COG5: variants seen among roughly 807,000 people sequenced by gnomAD.
COG5 encodes conserved oligomeric Golgi complex subunit 5.
A neutral mutation model predicts 110.4 loss-of-function variants in COG5; 86 were observed. The observed-to-expected ratio is 0.78, with a 90% confidence interval of 0.65 to 0.93. The LOEUF (loss-of-function observed/expected upper bound fraction) is 0.93, where lower values mean the gene tolerates loss of function less well. Ranked by LOEUF, COG5 falls within the 40% of genes least tolerant of loss-of-function variation. The pLI, the probability that COG5 is intolerant of heterozygous loss-of-function variation, is 0.00. For synonymous variants in COG5, 360 were observed against 334.6 expected, an observed-to-expected ratio of 1.08 and a Z score of -0.83; for missense variants, 1,077 against 987.0, an observed-to-expected ratio of 1.09 and a Z score of -1.22.
chr7:107,337,336 G>T (rs1166734035), intron 10 of COG5, among the ~76,000 whole-genome samples: 1 of 152,088 alleles, frequency 6.6e-6, no homozygotes, highest in East Asian at 1.9e-4. Context: ...TATCAAAGGG[G>T]TTTATATTTA....
rs547054779 is a variant in COG5 at position 107,202,729 on chromosome 7, AT to A, written c.*786del. ...GAGCCATCAGAAAATAAGGACTTAG[AT>A]TATCTACTATTTATAGAGAATTGCT... On this transcript the variant is annotated 3_prime_UTR_variant, in exon 22 of 22. Transcript: ENST00000297135. 6.6e-6 allele frequency: 1 copy of A among 152,166 alleles called. No individual in the cohort carries two copies. Among genetic ancestry groups the A allele is most frequent in the South Asian group, 2.1e-4 (1 of 4,832 alleles). The allele number at this position is 152,166 out of a possible 1,614,324, so 9.4% of individuals were successfully genotyped here. A position where few individuals can be genotyped will look rare whatever the true frequency, so the allele number is the denominator to read the frequency against.
chr7:107,473,873 T>C (rs1796804696), intron 6 of COG5, among the ~76,000 whole-genome samples: 1 of 151,968 alleles, frequency 6.6e-6, no homozygotes, highest in East Asian at 1.9e-4. Flanking sequence ...ATCAAAACAA[T>C]GCAAACTTGA....
At chr7:107,561,279 C>T (rs1020838316) in intron 1 of COG5, among the ~76,000 whole-genome samples, 1 of 152,120 alleles carries the variant, frequency 6.6e-6, no homozygotes, top group African/African-American at 2.4e-5. Flanking sequence ...CCTATCAATC[C>T]GATACTCTGT....
chr7:107,420,505 G>A (rs1793208150), intron 6 of COG5, among the ~76,000 whole-genome samples: 1 of 152,204 alleles, frequency 6.6e-6, no homozygotes, highest in Non-Finnish European at 1.5e-5. Flanking sequence ...CTGTCGCTCA[G>A]GCTGGAGTGC....
rs1039484378 is a variant in COG5, at chr7:107,530,769, T to A, written c.418-3412A>T. The stretch of plus-strand genomic sequence containing the variant: ...CTATTATAAGTTGATCTATAAGGCA[T>A]CAGTTCTCACCATTTCCCAATATAG... On this transcript the variant is annotated intron_variant, in intron 5 of 21. Transcript: ENST00000297135. Among the ~76,000 whole-genome samples the A allele has an allele frequency of 4.6e-5, 7 of 152,316 alleles. No individual in the cohort carries two copies. The East Asian group carries it at 1.3e-3, about 29-fold the overall frequency.
intron 6 of COG5, among the ~76,000 whole-genome samples, chr7:107,511,667 T>A (rs1309523921): frequency 3.3e-5 from 5 of 152,172 alleles, no homozygotes; most frequent in Non-Finnish European, 7.3e-5. Flanking sequence ...GCAAACCGAA[T>A]CCAGCAGCAC....
intron 21 of COG5, among the ~76,000 whole-genome samples, chr7:107,205,975 T>A (rs900172995): frequency 2.0e-5 from 3 of 151,906 alleles, no homozygotes; most frequent in Non-Finnish European, 4.4e-5. Context: ...TTTTTTATTT[T>A]TTTGAGACGG....
intron 6 of COG5, among the ~76,000 whole-genome samples, chr7:107,511,829 T>C (rs564348677): frequency 6.6e-6 from 1 of 152,288 alleles, no homozygotes; most frequent in Non-Finnish European, 1.5e-5. Flanking sequence ...GAAAAGGCCT[T>C]TGACAAAATT....
chr7:107,482,889 CAGA>C (rs1472433400), intron 6 of COG5, among the ~76,000 whole-genome samples: 1 of 152,076 alleles, frequency 6.6e-6, no homozygotes, highest in African/African-American at 2.4e-5. Context: ...TTACTCAAAC[CAGA>C]AGTACTATTC....
At chr7:107,516,224 C>G (rs62483685) in intron 6 of COG5, among the ~76,000 whole-genome samples, 1 of 152,028 alleles carries the variant, frequency 6.6e-6, no homozygotes, top group African/African-American at 2.4e-5. Flanking sequence ...TTCCCTAATG[C>G]CTAACGATGT....
At chr7:107,390,692 G>T (rs1790561729) in intron 7 of COG5, among the ~76,000 whole-genome samples, 1 of 150,166 alleles carries the variant, frequency 6.7e-6, no homozygotes, top group Non-Finnish European at 1.5e-5. Flanking sequence ...CCGCTCCTGG[G>T]GGTCACTCTT....
At chr7:107,249,125 T>C (rs1001645774) in intron 16 of COG5, among the ~76,000 whole-genome samples, 8 of 152,308 alleles carry the variant, frequency 5.3e-5, no homozygotes, top group Middle Eastern at 6.8e-3. Context: ...CAGAACAATG[T>C]TTCTAATAGG....
At chr7:107,555,653 T>G (rs1009551461) in intron 2 of COG5, among the ~76,000 whole-genome samples, 1 of 152,200 alleles carries the variant, frequency 6.6e-6, no homozygotes, top group South Asian at 2.1e-4. Flanking sequence ...AGCCTAAAAC[T>G]ATAGTTTCAT....
At chr7:107,437,100 T>A (rs1794414368) in intron 6 of COG5, among the ~76,000 whole-genome samples, 1 of 152,226 alleles carries the variant, frequency 6.6e-6, no homozygotes, top group Non-Finnish European at 1.5e-5. Flanking sequence ...AGCCTCAGTT[T>A]ATTCATTCAT....
chr7:107,558,118 G>A lies in COG5; in HGVS notation c.95-3C>T. The A allele has an allele frequency of 6.2e-7, 1 of 1,613,148 alleles. No homozygotes were observed. The highest frequency in any genetic ancestry group is 8.5e-7 in the Non-Finnish European group (1 of 1,179,678). Reference sequence around the variant, plus strand: ...GTTTAAAAAGTCACTATAACACCCTGGATTGGGGAAAAAATAAGGAAAAGT... The same window carrying A: ...GTTTAAAAAGTCACTATAACACCCTAGATTGGGGAAAAAATAAGGAAAAGT... On this transcript the variant is annotated splice_polypyrimidine_tract_variant and splice_region_variant and intron_variant, in intron 1 of 21. Transcript: ENST00000297135.
rs187326109 is a variant in COG5 at position 107,258,669 on chromosome 7, C to T, written c.1576-286G>A. The T allele has an allele frequency of 6.8e-4, 288 of 421,256 alleles. 1 individual carries two copies. The highest frequency in any genetic ancestry group is 5.3e-3 in the African/African-American group (265 of 49,890). 26.1% of individuals were successfully genotyped at this position (421,256 alleles called of 1,614,324 possible). A position where few individuals can be genotyped will look rare whatever the true frequency, so the allele number is the denominator to read the frequency against. On this transcript the variant is annotated intron_variant, in intron 14 of 21. Transcript: ENST00000297135. ...CCATTTATACTTCACAGCTGATGGACTCTTGAGGCAGGTGTGACCCAAATG... is the reference window on the plus strand; with the variant it reads ...CCATTTATACTTCACAGCTGATGGATTCTTGAGGCAGGTGTGACCCAAATG...
chr7:107,364,561 T>A (rs1042774649), intron 8 of COG5, among the ~76,000 whole-genome samples: 1 of 151,992 alleles, frequency 6.6e-6, no homozygotes, highest in African/African-American at 2.4e-5. Flanking sequence ...AATAAAAAAA[T>A]AGAAATTTTA....
chr7:107,263,460 G>C (rs1803535969), intron 14 of COG5, among the ~76,000 whole-genome samples: 2 of 152,268 alleles, frequency 1.3e-5, no homozygotes, highest in African/African-American at 4.8e-5. Flanking sequence ...TAAAATAGGA[G>C]AAATGTACAT....
intron 3 of COG5, among the ~76,000 whole-genome samples, chr7:107,551,492 A>G (rs917977718): frequency 1.1e-4 from 16 of 152,228 alleles, no homozygotes; most frequent in African/African-American, 3.9e-4. Context: ...GATGAAGTAG[A>G]AGCTAGAATA....
Sources: gnomAD v4.1 joint callset for allele counts (sites outside exome capture counted in the v4.1 genomes callset) on GRCh38, gnomAD v4.1.1 for gene constraint, MANE v1.5 for transcripts, NCBI Gene and HGNC (gene_info 2026-07-23, HGNC 2026-07-21) for gene names.